The following RGS6 variants were observed in gnomAD, a reference collection of about 807,000 sequenced individuals.
RGS6 encodes the protein regulator of G protein signaling 6.
A neutral mutation model predicts 78.5 loss-of-function variants in RGS6; 30 were observed. The ratio of observed to expected loss-of-function variants is 0.38; its 90% confidence interval spans 0.29 to 0.52. The LOEUF (loss-of-function observed/expected upper bound fraction) is 0.52, where lower values mean the gene tolerates loss of function less well. RGS6 is among the 20% of genes least tolerant of loss of function. The pLI, the probability that RGS6 is intolerant of heterozygous loss-of-function variation, is 0.85. For missense variants in RGS6, 495 were observed against 609.7 expected, an observed-to-expected ratio of 0.81 and a Z score of 1.98; for synonymous variants, 206 against 206.0, an observed-to-expected ratio of 1.00 and a Z score of 0.00.
At chr14:72,596,687 G>T in the RGS6 span, among the ~76,000 whole-genome samples, 1 of 152,192 alleles carries the variant, frequency 6.6e-6, no homozygotes, top group Admixed American at 6.5e-5. Context: ...AGGTCAAAGA[G>T]CCACTTCATC....
intron 2 of RGS6, among the ~76,000 whole-genome samples, chr14:72,323,506 C>A (rs1333824898): frequency 6.6e-6 from 1 of 150,824 alleles, no homozygotes; most frequent in Non-Finnish European, 1.5e-5. Context: ...AAGCCCAACC[C>A]AAAAGTTTCT....
At chr14:72,349,047 TC>T (rs201750170) in intron 2 of RGS6, among the ~76,000 whole-genome samples, 1,830 of 152,136 alleles carry the variant, frequency 0.012, 73 homozygotes, top group East Asian at 0.062. Context: ...GCGCCTGTAG[TC>T]CCCAGCTACT....
intron 2 of RGS6, among the ~76,000 whole-genome samples, chr14:72,143,139 G>T (rs1288829349): frequency 3.3e-5 from 5 of 152,074 alleles, no homozygotes; most frequent in Non-Finnish European, 7.4e-5. Context: ...AGGCTGATGC[G>T]GGTGGATCAC....
chr14:72,574,362 C>T, the RGS6 span, among the ~76,000 whole-genome samples: 1 of 152,162 alleles, frequency 6.6e-6, no homozygotes, highest in East Asian at 1.9e-4. Context: ...GGCCCAGCCT[C>T]ATGTTATGGC....
the RGS6 span, among the ~76,000 whole-genome samples, chr14:71,920,566 CACTT>C: frequency 1.3e-5 from 2 of 152,232 alleles, no homozygotes; most frequent in African/African-American, 4.8e-5. Flanking sequence ...ATTAAAAAAA[CACTT>C]AGAGTTAATT....
At chr14:71,879,187 T>A in the RGS6 span, among the ~76,000 whole-genome samples, 1 of 152,308 alleles carries the variant, frequency 6.6e-6, no homozygotes, top group South Asian at 2.1e-4. Flanking sequence ...ATAGAAAAAA[T>A]TATTTTCATT....
chr14:72,394,154 G>A (rs188084829), intron 3 of RGS6, among the ~76,000 whole-genome samples: 400 of 152,114 alleles, frequency 2.6e-3, no homozygotes, highest in Non-Finnish European at 4.6e-3. Flanking sequence ...AGCGTCGGCC[G>A]GTCTGAGAAA....
At chr14:71,944,473 ATCATT>A (rs1441138519) in intron 1 of RGS6, among the ~76,000 whole-genome samples, 2 of 152,192 alleles carry the variant, frequency 1.3e-5, no homozygotes, top group African/African-American at 4.8e-5. Flanking sequence ...TACCCTTGAG[ATCATT>A]TCAGTTGTAT....
At position 72,127,140 on chromosome 14, in the gene RGS6, G is replaced by A. The variant is rs568395783; in HGVS notation, c.84+162265G>A. The stretch of plus-strand genomic sequence containing the variant: ...AAAGAGACTGCCATAAACTCTAGGG[G>A]CTACCCAAGTGAGGAGACGAGATTA... On this transcript the variant is annotated intron_variant, in intron 2 of 17. Coordinates refer to ENST00000553525, the MANE Select transcript of RGS6 (RefSeq NM_001204424.2). Among the ~76,000 whole-genome samples the A allele has an allele frequency of 7.2e-5, 11 of 152,304 alleles. No homozygotes were observed. The South Asian group carries it at 2.1e-3, about 29-fold the overall frequency.
chr14:72,138,907 T>C lies in RGS6; in HGVS notation c.84+174032T>C, dbSNP rs78428102. On this transcript the variant is annotated intron_variant, in intron 2 of 17. Transcript: ENST00000553525. ...CTCAGGGCTACCACCGATTTGATAC[T>C]ATGGTGAGTATGTAATGATAATAAA... is the stretch of plus-strand genomic sequence containing the variant. 6.0e-3 allele frequency among the ~76,000 whole-genome samples: 918 copies of C among 152,264 alleles called. 4 individuals are homozygous for C. Among genetic ancestry groups the C allele is most frequent in the African/African-American group, 0.016 (658 of 41,542 alleles).
In RGS6 at chr14:72,087,575, C is replaced by T. The variant is rs548127080; in HGVS notation, c.84+122700C>T. On this transcript the variant is annotated intron_variant, in intron 2 of 17. Coordinates refer to ENST00000553525, the MANE Select transcript of RGS6 (RefSeq NM_001204424.2). ...AAAAAGGAAGCTCCAGAGAAATACG[C>T]GTATTATAGCTTGGTTATAAAATTT... Among the ~76,000 whole-genome samples, 12 of 151,158 alleles carry T rather than the reference C, an allele frequency of 7.9e-5. No homozygotes were observed. In the East Asian group the frequency reaches 1.9e-3, roughly 24 times the overall value.
the RGS6 span, among the ~76,000 whole-genome samples, chr14:71,869,126 C>T: frequency 6.6e-6 from 1 of 152,300 alleles, no homozygotes; most frequent in Non-Finnish European, 1.5e-5. Flanking sequence ...GTCTTTGCCT[C>T]GAGCTCTGCT....
chr14:72,131,472 C>G (rs1426649851), intron 2 of RGS6, among the ~76,000 whole-genome samples: 1 of 152,170 alleles, frequency 6.6e-6, no homozygotes, highest in East Asian at 1.9e-4. Context: ...CAATGACAGC[C>G]TATGATATGA....
chr14:72,241,767 A>G (rs2052901897), intron 2 of RGS6, among the ~76,000 whole-genome samples: 1 of 152,216 alleles, frequency 6.6e-6, no homozygotes, highest in African/African-American at 2.4e-5. Flanking sequence ...AGAAATATAA[A>G]TTTTTTGCCT....
intron 7 of RGS6, 95 bp from the exon 8 acceptor site, chr14:72,469,912 A>T: frequency 1.1e-6 from 1 of 894,104 alleles, no homozygotes; most frequent in Non-Finnish European, 1.8e-6. Context: ...TGTTGGAAGT[A>T]ACCAAAATTG....
intron 2 of RGS6, among the ~76,000 whole-genome samples, chr14:72,193,293 C>T (rs1270896157): frequency 1.3e-5 from 2 of 152,194 alleles, no homozygotes; most frequent in Non-Finnish European, 2.9e-5. Flanking sequence ...TGTGCCTGGC[C>T]CTGCTGGTTT....
At chr14:72,350,603 C>T (rs931132368) in intron 2 of RGS6, among the ~76,000 whole-genome samples, 1 of 152,118 alleles carries the variant, frequency 6.6e-6, no homozygotes, top group Non-Finnish European at 1.5e-5. Flanking sequence ...TCTCTCTTGT[C>T]CCCCTGGCAC....
intron 2 of RGS6, among the ~76,000 whole-genome samples, chr14:72,099,850 TG>T (rs778571037): frequency 2.6e-5 from 4 of 152,200 alleles, no homozygotes; most frequent in Non-Finnish European, 5.9e-5. Context: ...CAGTGCCAAA[TG>T]TAGTAAGCAC....
the RGS6 span, among the ~76,000 whole-genome samples, chr14:71,899,665 C>T: frequency 4.0e-4 from 61 of 152,336 alleles, no homozygotes; most frequent in African/African-American, 1.5e-3. Context: ...ATCTAATCAG[C>T]TGGTAACTTG....
Sources: allele counts gnomAD v4.1 joint callset (sites outside exome capture counted in the v4.1 genomes callset), GRCh38; gene constraint gnomAD v4.1.1; transcripts MANE v1.5; gene names NCBI Gene and HGNC (gene_info 2026-07-23, HGNC 2026-07-21).